The following HCRTR2 variants were observed in gnomAD, a reference collection of about 807,000 sequenced individuals.
The protein encoded by HCRTR2 is hypocretin receptor 2, also known as orexin receptor type 2.
HCRTR2 carries 22 observed loss-of-function variants against 49.0 expected under a neutral mutation model. The ratio of observed to expected loss-of-function variants is 0.45; its 90% confidence interval spans 0.32 to 0.64. The LOEUF is 0.64. Ranked by LOEUF, HCRTR2 falls within the 30% of genes least tolerant of loss-of-function variation. HCRTR2 has a pLI of 0.04. For missense variants in HCRTR2, 491 were observed against 559.4 expected, an observed-to-expected ratio of 0.88 and a Z score of 1.23; for synonymous variants, 236 against 205.3, an observed-to-expected ratio of 1.15 and a Z score of -1.28.
intron 1 of HCRTR2, among the ~76,000 whole-genome samples, chr6:55,159,464 G>A (rs78466074): frequency 0.25 from 38,338 of 151,920 alleles, 5,284 homozygotes; most frequent in East Asian, 0.51. Context: ...CACCAGCAAG[G>A]GGACAAAACT....
Position 55,122,670 on chromosome 6 carries a change from A to G in HCRTR2, c.-378+16125A>G, listed in dbSNP as rs565186650. ...CTGCTATAAGGACACATGCACACAT[A>G]TGTTTATTGTGGCACTATTCACAAT... On this transcript the variant is annotated intron_variant, in intron 1 of 7. Coordinates refer to the HCRTR2 transcript ENST00000615358. 1.6e-3 allele frequency among the ~76,000 whole-genome samples: 246 copies of G among 152,196 alleles called. 2 individuals carry two copies. The highest frequency in any genetic ancestry group is 5.6e-3 in the African/African-American group (231 of 41,542).
intron 1 of HCRTR2, among the ~76,000 whole-genome samples, chr6:55,220,571 G>T (rs1266008443): frequency 1.3e-5 from 2 of 151,984 alleles, no homozygotes; most frequent in Non-Finnish European, 2.9e-5. Context: ...CAATAATAAA[G>T]GTCACATATC....
chr6:55,178,820 A>G (rs570875208), intron 1 of HCRTR2, among the ~76,000 whole-genome samples: 1 of 152,056 alleles, frequency 6.6e-6, no homozygotes, highest in South Asian at 2.1e-4. Flanking sequence ...ATTCCTAACT[A>G]TTGGAATAGT....
chr6:55,121,089 G>C (rs568611540), intron 1 of HCRTR2, among the ~76,000 whole-genome samples: 236 of 152,174 alleles, frequency 1.6e-3, no homozygotes, highest in Non-Finnish European at 2.5e-3. Flanking sequence ...TCATGATATT[G>C]ATTCTTCCTA....
chr6:55,107,799 C>T (rs1265247435), intron 1 of HCRTR2, among the ~76,000 whole-genome samples: 1 of 152,086 alleles, frequency 6.6e-6, no homozygotes, highest in African/African-American at 2.4e-5. Context: ...ACCATCTACT[C>T]ATTGTAATTA....
chr6:55,283,206 C>T (rs181173048), downstream of HCRTR2, among the ~76,000 whole-genome samples: 42 of 152,280 alleles, frequency 2.8e-4, no homozygotes, highest in African/African-American at 9.6e-4. Flanking sequence ...TATAGTCAGC[C>T]TTGCTGGATT....
intron 4 of HCRTR2, among the ~76,000 whole-genome samples, chr6:55,268,630 T>C (rs768184652): frequency 2.0e-5 from 3 of 152,146 alleles, no homozygotes; most frequent in Non-Finnish European, 4.4e-5. Flanking sequence ...GGACATTTCA[T>C]AATGATGATG....
chr6:55,120,705 C>A (rs1425545670), intron 1 of HCRTR2, among the ~76,000 whole-genome samples: 3 of 151,854 alleles, frequency 2.0e-5, no homozygotes, highest in Non-Finnish European at 4.4e-5. Flanking sequence ...CAAACAGAGA[C>A]AATTTGACTT....
intron 2 of HCRTR2, among the ~76,000 whole-genome samples, 157 bp downstream of exon 2, chr6:55,248,974 G>A (rs760067143): frequency 6.6e-6 from 1 of 152,130 alleles, no homozygotes; most frequent in Non-Finnish European, 1.5e-5. Context: ...GGAGAAATAA[G>A]TTAAGTTCTG....
At chr6:55,256,142 A>G (rs1417944593) in intron 3 of HCRTR2, among the ~76,000 whole-genome samples, 1 of 152,118 alleles carries the variant, frequency 6.6e-6, no homozygotes, top group Non-Finnish European at 1.5e-5. Context: ...GGAAAGAATG[A>G]CAGAAAATAA....
At chr6:55,205,316 A>C (rs1003719799) in intron 1 of HCRTR2, among the ~76,000 whole-genome samples, 1 of 152,190 alleles carries the variant, frequency 6.6e-6, no homozygotes. Context: ...TACTATCATA[A>C]ATTTTGAAAA....
intron 1 of HCRTR2, among the ~76,000 whole-genome samples, chr6:55,164,013 A>T (rs899614156): frequency 6.6e-6 from 1 of 152,224 alleles, no homozygotes; most frequent in Non-Finnish European, 1.5e-5. Context: ...GCCAAGAAAC[A>T]TACAAAAAAA....
At chr6:55,220,191 T>G (rs1288691216) in intron 1 of HCRTR2, among the ~76,000 whole-genome samples, 1 of 152,180 alleles carries the variant, frequency 6.6e-6, no homozygotes, top group African/African-American at 2.4e-5. Flanking sequence ...CAAACTCATT[T>G]TATGAGTCCA....
At chr6:55,240,169 A>G (rs1766297264) in intron 1 of HCRTR2, among the ~76,000 whole-genome samples, 1 of 151,736 alleles carries the variant, frequency 6.6e-6, no homozygotes, top group South Asian at 2.1e-4. Flanking sequence ...CATCCTGGCT[A>G]ACACCGTGAA....
chr6:55,143,816 T>C (rs2127254272), intron 1 of HCRTR2, among the ~76,000 whole-genome samples: 1 of 152,322 alleles, frequency 6.6e-6, no homozygotes, highest in South Asian at 2.1e-4. Context: ...AGCCAAAATA[T>C]GAACGCAGGT....
At chr6:55,111,144 C>T (rs138081350) in intron 1 of HCRTR2, among the ~76,000 whole-genome samples, 2 of 151,450 alleles carry the variant, frequency 1.3e-5, no homozygotes, top group Admixed American at 1.3e-4. Context: ...ACAATGAAAT[C>T]AAGATGGAAA....
chr6:55,108,611 TA>T (rs1457213151), intron 1 of HCRTR2, among the ~76,000 whole-genome samples: 17 of 151,648 alleles, frequency 1.1e-4, no homozygotes, highest in Admixed American at 9.9e-4. Context: ...CTGAAAGGAA[TA>T]TAAAAGTAGA....
At chr6:55,167,451 G>A (rs1764893097) in intron 1 of HCRTR2, among the ~76,000 whole-genome samples, 1 of 151,700 alleles carries the variant, frequency 6.6e-6, no homozygotes, top group South Asian at 2.1e-4. Flanking sequence ...TGCCTTAATG[G>A]TTACATGCCC....
intron 1 of HCRTR2, among the ~76,000 whole-genome samples, chr6:55,126,540 C>T (rs1764280868): frequency 6.6e-6 from 1 of 152,146 alleles, no homozygotes; most frequent in Non-Finnish European, 1.5e-5. Flanking sequence ...GTCTGTCAGC[C>T]CCTACTGGGA....
Sources: allele counts gnomAD v4.1 joint callset (sites outside exome capture counted in the v4.1 genomes callset), GRCh38; gene constraint gnomAD v4.1.1; transcripts MANE v1.5; gene names NCBI Gene and HGNC (gene_info 2026-07-23, HGNC 2026-07-21).